IL6ST: variants seen among roughly 807,000 people sequenced by gnomAD.
IL6ST encodes the protein interleukin-6 receptor subunit beta.
Under a neutral mutation model 91.3 loss-of-function variants are expected in IL6ST, and 24 were observed. The observed-to-expected ratio is 0.26, with a 90% CI of 0.19 to 0.37. The LOEUF (loss-of-function observed/expected upper bound fraction) is 0.37. Among genes scored for constraint, IL6ST ranks in the 10% least tolerant of loss-of-function variants. IL6ST has a pLI of 1.00. For missense variants in IL6ST, 914 were observed against 1,078.5 expected, an observed-to-expected ratio of 0.85 and a Z score of 2.14; for synonymous variants, 351 against 373.6, an observed-to-expected ratio of 0.94 and a Z score of 0.70.
chr5:55,993,298 T>C (rs1049411664), intron 1 of IL6ST, among the ~76,000 whole-genome samples: 2 of 152,228 alleles, frequency 1.3e-5, no homozygotes, highest in Non-Finnish European at 2.9e-5. Flanking sequence ...AGCACAGGAT[T>C]TGGAGTCACA....
rs781641966 is a variant in IL6ST, at chr5:55,964,267, G to A, written c.537C>T (p.Pro179=). 1 of 1,611,436 alleles carries A rather than the reference G, an allele frequency of 6.2e-7. No homozygotes were observed. The highest frequency in any genetic ancestry group is 1.1e-5 in the South Asian group (1 of 90,788). The change falls in exon 6 of 17, where the codon CCC becomes CCT. Residue 179 remains proline (P), a synonymous_variant. Transcript: ENST00000381298. The part of the protein sequence containing the change: ...FADCKAKRDT[P]TSCTVDYSTV... ...TAGAATAATCAACAGTGCATGAGGTGGGGGTGTCACGTTTTGCTTTGCAAT... is the reference window on the plus strand; with the variant it reads ...TAGAATAATCAACAGTGCATGAGGTAGGGGTGTCACGTTTTGCTTTGCAAT...
chr5:55,949,791 C>A (rs535745120), intron 14 of IL6ST, among the ~76,000 whole-genome samples: 39 of 152,248 alleles, frequency 2.6e-4, no homozygotes, highest in Non-Finnish European at 4.3e-4. Flanking sequence ...CCTCATTCAG[C>A]AAGCATTCAA....
chr5:55,968,332 C>T lies in IL6ST; in HGVS notation c.435G>A (p.Glu145=). The change falls in exon 5 of 17, where the codon GAG becomes GAA. Residue 145 remains glutamate, a synonymous_variant. Coordinates refer to ENST00000381298, the MANE Select transcript of IL6ST (RefSeq NM_002184.4). ...AGTGTGTTTCCCTTCCACCATCCCA[C>T]TCACACCTCATTTTCTTCCCCTCGT... ...IVNEGKKMRC[E]WDGGRETHLE... 1 of 1,609,612 alleles carries T rather than the reference C, an allele frequency of 6.2e-7. No homozygotes were observed. Among genetic ancestry groups the T allele is most frequent in the Non-Finnish European group, 8.5e-7 (1 of 1,178,296 alleles).
intron 5 of IL6ST, among the ~76,000 whole-genome samples, chr5:55,967,853 G>A (rs1309417367): frequency 2.0e-5 from 3 of 151,994 alleles, no homozygotes; most frequent in Non-Finnish European, 4.4e-5. Context: ...CTGGAGTGTA[G>A]TGGTGCAATC....
rs905911989 is a variant in IL6ST, at chr5:55,940,108, TAAGAA to T, written c.*969_*973del. On this transcript the variant is annotated 3_prime_UTR_variant, in exon 17 of 17. Transcript: ENST00000381298. ...TCATCTACCCAGTACTCTGAAGTCT[TAAGAA>T]AAGTCAATGATATGTGTGTGTATAT... 1.0e-4 allele frequency: 17 copies of T among 166,458 alleles called. No homozygotes were observed. Among genetic ancestry groups the T allele is most frequent in the South Asian group, 7.7e-4 (3 of 3,902 alleles). The allele number at this position is 166,458 out of a possible 1,614,324, so 10.3% of individuals were successfully genotyped here.
chr5:55,968,893 GTTTAC>G (rs1421451863), intron 4 of IL6ST, among the ~76,000 whole-genome samples: 1 of 152,100 alleles, frequency 6.6e-6, no homozygotes, highest in Non-Finnish European at 1.5e-5. Flanking sequence ...AGTTTATTTT[GTTTAC>G]TTTGTTACTC....
At chr5:55,988,960 A>T (rs189065032) in intron 1 of IL6ST, among the ~76,000 whole-genome samples, 21 of 151,036 alleles carry the variant, frequency 1.4e-4, no homozygotes, top group East Asian at 9.7e-4. Context: ...AAAATAAAAA[A>T]AAAATAAAAA....
chr5:55,948,498 C>T (rs1308562334), intron 14 of IL6ST, among the ~76,000 whole-genome samples: 4 of 151,740 alleles, frequency 2.6e-5, no homozygotes, highest in Non-Finnish European at 4.4e-5. Context: ...TGAGAATAAA[C>T]TATGGGTTGG....
chr5:55,941,151 C>T lies in IL6ST; in HGVS notation c.2688G>A (p.Ala896=), dbSNP rs766571216. 11 of 1,613,906 alleles carry T rather than the reference C, an allele frequency of 6.8e-6. No homozygotes were observed. The highest frequency in any genetic ancestry group is 1.3e-5 in the African/African-American group (1 of 74,910). ...ERFETVGMEA[A]TDEGMPKSYL... ...AACTTTTAGGCATGCCTTCATCAGT[C>T]GCAGCCTCCATGCCAACTGTTTCAA... Residue 896 remains alanine, a synonymous_variant, in exon 17 of 17, where the codon GCG becomes GCA. Transcript: ENST00000381298.
intron 8 of IL6ST, among the ~76,000 whole-genome samples, chr5:55,958,335 T>C (rs1752107262): frequency 6.6e-6 from 1 of 152,198 alleles, no homozygotes; most frequent in African/African-American, 2.4e-5. Flanking sequence ...TTTTCAAAAC[T>C]TATAATAGCC....
At chr5:55,968,221 G>T in intron 5 of IL6ST, 55 bp downstream of exon 5, 1 of 1,416,376 alleles carries the variant, frequency 7.1e-7, no homozygotes, top group Non-Finnish European at 9.6e-7. Flanking sequence ...AAAAATTCCA[G>T]CAAAAATGAC....
In IL6ST at chr5:55,941,115, C is replaced by T. The variant is rs763664962; in HGVS notation, c.2724G>A (p.Gln908=). ...DEGMPKSYLP[Q]TVRQGGYMPQ is the part of the protein sequence containing the mutation. ...GCATGTAGCCGCCTTGCCGTACAGT[C>T]TGTGGTAAGTAACTTTTAGGCATGC... Residue 908 remains glutamine, a synonymous_variant, in exon 17 of 17, where the codon CAG becomes CAA. Transcript: ENST00000381298. The T allele has an allele frequency of 6.2e-7, 1 of 1,613,932 alleles. No homozygotes were observed. Among genetic ancestry groups the T allele is most frequent in the South Asian group, 1.1e-5 (1 of 91,044 alleles).
At position 55,944,835 on chromosome 5, in the gene IL6ST, G is replaced by C. The variant is rs1411288682; in HGVS notation, c.1938-2084C>G. The C allele has an allele frequency of 6.4e-6, 4 of 622,958 alleles. No homozygotes were observed. In the Admixed American group the frequency reaches 8.5e-5, roughly 13 times the overall value. The allele number at this position is 622,958 out of a possible 1,614,324, so 38.6% of individuals were successfully genotyped here. On this transcript the variant is annotated intron_variant, in intron 15 of 16. Transcript: ENST00000381298. ...TTGTGGGACTGCATGCTACTGTCTA[G>C]AGCTTGTCTCAATGGATCTAGAACT...
chr5:55,940,795 T>C lies in IL6ST; in HGVS notation c.*287A>G. ...CTATGTAGCAAAACAAAAAGTTTTA[T>C]AAATTTCAGATAAGCTTTCTGTTTT... On this transcript the variant is annotated 3_prime_UTR_variant, in exon 17 of 17. Transcript: ENST00000381298. 1 of 355,998 alleles carries C rather than the reference T, an allele frequency of 2.8e-6. No individual in the cohort carries two copies. Among genetic ancestry groups the C allele is most frequent in the Non-Finnish European group, 5.1e-6 (1 of 196,544 alleles). The allele number at this position is 355,998 out of a possible 1,614,324, so 22.1% of individuals were successfully genotyped here. A position where few individuals can be genotyped will look rare whatever the true frequency, so the allele number is the denominator to read the frequency against.
Position 55,955,687 on chromosome 5 carries a change from T to G in IL6ST, c.1267+338A>C, listed in dbSNP as rs184624113. ...GAGCATGTAGTGATGGAAATGTTCT[T>G]GCATCCTGATGAAATTTGTCTGCTG... On this transcript the variant is annotated intron_variant, in intron 10 of 16. Transcript: ENST00000381298. Among the ~76,000 whole-genome samples the G allele has an allele frequency of 6.1e-3, 930 of 152,310 alleles. 14 individuals are homozygous for G. Among genetic ancestry groups the G allele is most frequent in the African/African-American group, 0.022 (900 of 41,562 alleles).
intron 4 of IL6ST, among the ~76,000 whole-genome samples, chr5:55,969,120 G>A (rs931738485): frequency 6.6e-5 from 10 of 151,788 alleles, no homozygotes; most frequent in African/African-American, 1.7e-4. Context: ...GCTTGAACCC[G>A]GGAGGGCAGT....
chr5:55,968,066 G>T (rs1752742289), intron 5 of IL6ST, among the ~76,000 whole-genome samples: 1 of 152,130 alleles, frequency 6.6e-6, no homozygotes, highest in African/African-American at 2.4e-5. Context: ...GTAAGTGCTG[G>T]AGTTACAGGC....
chr5:55,936,995 T>A lies in IL6ST; in HGVS notation c.*4087A>T, dbSNP rs1236334108. ...ATTTTTAGAGTATATTCAATACACATACATATTGAGACTAGAGAATTTTCA... is the reference window on the plus strand; with the variant it reads ...ATTTTTAGAGTATATTCAATACACAAACATATTGAGACTAGAGAATTTTCA... On this transcript the variant is annotated 3_prime_UTR_variant, in exon 17 of 17. Coordinates refer to ENST00000381298, the MANE Select transcript of IL6ST (RefSeq NM_002184.4). 5.0e-6 allele frequency: 1 copy of A among 200,544 alleles called. No homozygotes were observed. Among genetic ancestry groups the A allele is most frequent in the African/African-American group, 2.3e-5 (1 of 43,624 alleles). 12.4% of individuals were successfully genotyped at this position (200,544 alleles called of 1,614,324 possible). A position where few individuals can be genotyped will look rare whatever the true frequency, so the allele number is the denominator to read the frequency against.
rs1440393369 is a variant in IL6ST, at chr5:55,969,690, T to C, written c.230A>G (p.Glu77Gly). 1 of 1,612,586 alleles carries C rather than the reference T, an allele frequency of 6.2e-7. No homozygotes were observed. The highest frequency in any genetic ancestry group is 8.5e-7 in the Non-Finnish European group (1 of 1,178,672). The change falls in exon 4 of 17, where the codon GAG becomes GGG. Residue 77 changes from glutamate to glycine, a missense_variant. Glu to Gly is a moderately conservative substitution (Grantham distance 98). Coordinates refer to ENST00000381298, the MANE Select transcript of IL6ST (RefSeq NM_002184.4). ...WKTNHFTIPKEQYTIINRTAS... is the reference protein window; with the variant it reads ...WKTNHFTIPKGQYTIINRTAS... The stretch of plus-strand genomic sequence containing the variant: ...TGTTCTGTTTATGATAGTATATTGC[T>C]CCTTAGGAATAGTAAAATGGTTTGT...
Sources: gnomAD v4.1 joint callset for allele counts (sites outside exome capture counted in the v4.1 genomes callset) on GRCh38, gnomAD v4.1.1 for gene constraint, MANE v1.5 for transcripts, NCBI Gene and HGNC (gene_info 2026-07-23, HGNC 2026-07-21) for gene names.